Variants in RPS6KA4 observed in about 807,000 individuals in gnomAD.
RPS6KA4 encodes the protein ribosomal protein S6 kinase A4.
A neutral mutation model predicts 89.6 loss-of-function variants in RPS6KA4; 38 were observed. The ratio of observed to expected loss-of-function variants is 0.42; its 90% CI spans 0.33 to 0.56. RPS6KA4 has a LOEUF of 0.56. RPS6KA4 is among the 20% of genes least tolerant of loss of function. The pLI is 0.07. For missense variants in RPS6KA4, 873 were observed against 1,098.8 expected, an observed-to-expected ratio of 0.79 and a Z score of 2.90; for synonymous variants, 495 against 492.8, an observed-to-expected ratio of 1.00 and a Z score of -0.06.
intron 2 of RPS6KA4, chr11:64,359,664 G>A: frequency 1.7e-6 from 1 of 588,928 alleles, no homozygotes; most frequent in African/African-American, 1.9e-5. Context: ...GGTCCTGTGC[G>A]TGCATACCCC....
intron 8 of RPS6KA4, among the ~76,000 whole-genome samples, chr11:64,363,664 G>A (rs779431380): frequency 6.6e-6 from 1 of 151,940 alleles, no homozygotes; most frequent in African/African-American, 2.4e-5. Context: ...GCTTATTTTT[G>A]TATTTTTAGT....
rs372601567 is a variant in RPS6KA4 at position 64,361,553 on chromosome 11, G to T, written c.651+4G>T. ...TAGCAAGACGGGGCATGGCAAGGTA[G>T]GTTGGCAGGGAAGTGGGGCTGGGGG... On this transcript the variant is annotated splice_donor_region_variant and intron_variant, in intron 6 of 16. Transcript: ENST00000334205. This position sits in a 1 kb window ranked among gnomAD's most constrained non-coding sequence, Gnocchi z 4.7. The T allele has an allele frequency of 5.6e-6, 9 of 1,613,988 alleles. No homozygotes were observed. The highest frequency in any genetic ancestry group is 2.2e-5 in the East Asian group (1 of 44,894).
At chr11:64,365,686 T>C (rs985830934) in intron 9 of RPS6KA4, among the ~76,000 whole-genome samples, 10 of 148,878 alleles carry the variant, frequency 6.7e-5, no homozygotes, top group African/African-American at 2.4e-4. Flanking sequence ...TTAAACCTTC[T>C]GTTAATTTCC....
Position 64,370,841 on chromosome 11 carries a change from C to G in RPS6KA4, c.2121+115C>G. 7.6e-7 allele frequency: 1 copy of G among 1,313,938 alleles called. No individual in the cohort carries two copies. The highest frequency in any genetic ancestry group is 1.0e-6 in the Non-Finnish European group (1 of 989,858). The allele number at this position is 1,313,938 out of a possible 1,614,324, so 81.4% of individuals were successfully genotyped here. Reference sequence around the variant, plus strand: ...CGAGGTGAGGCCGGGCGCGGTGGCTCACGCCTGTAATCCCAGCGCTTTGGG... The same window carrying G: ...CGAGGTGAGGCCGGGCGCGGTGGCTGACGCCTGTAATCCCAGCGCTTTGGG... On this transcript the variant is annotated intron_variant, in intron 16 of 16. Transcript: ENST00000334205. The surrounding 1 kb of genome is among the most constrained non-coding windows in gnomAD (Gnocchi z 4.1).
In RPS6KA4 at chr11:64,369,429, C is replaced by G. The variant is rs748240809; in HGVS notation, c.1429-17C>G. 1 of 1,573,770 alleles carries G rather than the reference C, an allele frequency of 6.4e-7. No homozygotes were observed. Among genetic ancestry groups the G allele is most frequent in the South Asian group, 1.1e-5 (1 of 87,790 alleles). On this transcript the variant is annotated splice_polypyrimidine_tract_variant and intron_variant, in intron 12 of 16. Coordinates refer to ENST00000334205, the MANE Select transcript of RPS6KA4 (RefSeq NM_003942.3). ...CCGTGGGTGGGTGTTGACCTTGGCC[C>G]GCCACGCCGCCCGCAGCTGCACACG...
In RPS6KA4 at chr11:64,371,389, G is replaced by A. The variant is rs1221879191; in HGVS notation, c.2228G>A (p.Arg743Gln). The change falls in exon 17 of 17, where the codon CGG becomes CAG. Residue 743 changes from arginine (R) to glutamine (Q), a missense_variant. This residue lies in a region of RPS6KA4 where 278 missense variants were observed against 284.8 expected (regional missense o/e 0.98). Transcript: ENST00000334205. ...CTGCGGAGCGCCACCGCCTCCCGCC[G>A]GGGCTCCCCTGCACCAGCCAACCCG... ...QKLRSATASR[R>Q]GSPAPANPGR... is the part of the protein sequence containing the mutation. 15 of 1,611,848 alleles carry A rather than the reference G, an allele frequency of 9.3e-6. No individual in the cohort carries two copies. The highest frequency in any genetic ancestry group is 1.3e-5 in the Non-Finnish European group (15 of 1,179,552).
At chr11:64,366,767 C>T (rs955729120) in intron 9 of RPS6KA4, among the ~76,000 whole-genome samples, 1 of 152,188 alleles carries the variant, frequency 6.6e-6, no homozygotes, top group Non-Finnish European at 1.5e-5. Context: ...AGGGGGTCAC[C>T]CTTTCTTTGT....
In RPS6KA4 at chr11:64,361,340, T is replaced by C; in HGVS notation, c.570+99T>C. The C allele has an allele frequency of 6.9e-7, 1 of 1,449,306 alleles. No homozygotes were observed. Among genetic ancestry groups the C allele is most frequent in the South Asian group, 1.2e-5 (1 of 84,114 alleles). The allele number at this position is 1,449,306 out of a possible 1,614,324, so 89.8% of individuals were successfully genotyped here. A position where few individuals can be genotyped will look rare whatever the true frequency, so the allele number is the denominator to read the frequency against. ...TGCATTCTGGGGCTGCAGAAGTGAA[T>C]AGCTCCAAGAAGTTTCCACAGCTCA... On this transcript the variant is annotated intron_variant, in intron 5 of 16. Coordinates refer to ENST00000334205, the MANE Select transcript of RPS6KA4 (RefSeq NM_003942.3). This position sits in a 1 kb window ranked among gnomAD's most constrained non-coding sequence, Gnocchi z 4.7.
At position 64,371,418 on chromosome 11, in the gene RPS6KA4, C is replaced by T; in HGVS notation, c.2257C>T (p.Arg753Ter). Residue 753 changes from arginine (R) to a stop codon, truncating the protein, a stop_gained, in exon 17 of 17, where the codon CGA (arginine) becomes TGA (stop). Transcript: ENST00000334205. LOFTEE classifies it high-confidence loss of function. ...CTCCCCTGCACCAGCCAACCCGGGC[C>T]GAGCCCCCGTCGCCTCCAAAGGGGC... ...RGSPAPANPGRAPVASKGAPR... is the reference protein window; with the variant it reads ...RGSPAPANPG 1 of 1,607,910 alleles carries T rather than the reference C, an allele frequency of 6.2e-7. No individual in the cohort carries two copies. Among genetic ancestry groups the T allele is most frequent in the Non-Finnish European group, 8.5e-7 (1 of 1,177,308 alleles).
In RPS6KA4 at chr11:64,371,438, A is replaced by T. The variant is rs2037072386; in HGVS notation, c.2277A>T (p.Lys759Asn). 1.3e-6 allele frequency: 2 copies of T among 1,589,750 alleles called. No homozygotes were observed. The highest frequency in any genetic ancestry group is 1.7e-6 in the Non-Finnish European group (2 of 1,167,772). Residue 759 changes from lysine (K) to asparagine (N), a missense_variant, in exon 17 of 17, where the codon AAA becomes AAT. Lys to Asn is a moderately conservative substitution (Grantham distance 94, BLOSUM62 0). Coordinates refer to ENST00000334205, the MANE Select transcript of RPS6KA4 (RefSeq NM_003942.3). ...CGGGCCGAGCCCCCGTCGCCTCCAA[A>T]GGGGCCCCCCGCCGAGCCAACGGCC... The part of the protein sequence containing the change: ...ANPGRAPVAS[K>N]GAPRRANGPL...
rs577333445 is a variant in RPS6KA4 at position 64,370,078 on chromosome 11, C to T, written c.1798-147C>T. 172 of 1,085,454 alleles carry T rather than the reference C, an allele frequency of 1.6e-4. No homozygotes were observed. In the African/African-American group the frequency reaches 2.5e-3, roughly 16 times the overall value. The allele number at this position is 1,085,454 out of a possible 1,614,324, so 67.2% of individuals were successfully genotyped here. On this transcript the variant is annotated intron_variant, in intron 14 of 16. Transcript: ENST00000334205. This position sits in a 1 kb window ranked among gnomAD's most constrained non-coding sequence, Gnocchi z 4.1. Reference sequence around the variant, plus strand: ...GCTCTGGTGCTAGAGTCGGAGCATCCGGGTATTGGGGGTTAGAAGTCAGGG... The same window carrying T: ...GCTCTGGTGCTAGAGTCGGAGCATCTGGGTATTGGGGGTTAGAAGTCAGGG...
intron 8 of RPS6KA4, among the ~76,000 whole-genome samples, chr11:64,362,934 G>A (rs1280839686): frequency 6.6e-6 from 1 of 152,152 alleles, no homozygotes; most frequent in Non-Finnish European, 1.5e-5. Context: ...TCCTCCCAAA[G>A]TGTTGGGATT....
rs1246455748 is a variant in RPS6KA4, at chr11:64,361,593, G to A, written c.651+44G>A. 2 of 1,613,582 alleles carry A rather than the reference G, an allele frequency of 1.2e-6. No homozygotes were observed. Among genetic ancestry groups the A allele is most frequent in the Admixed American group, 1.7e-5 (1 of 60,022 alleles). On this transcript the variant is annotated intron_variant, in intron 6 of 16. Coordinates refer to ENST00000334205, the MANE Select transcript of RPS6KA4 (RefSeq NM_003942.3). This position sits in a 1 kb window ranked among gnomAD's most constrained non-coding sequence, Gnocchi z 4.7. ...GGGGCTGGGGGAGGTGGAAAGGTGG[G>A]GTGTGAGGCAGGGGAGATGCAGGCC... is the stretch of plus-strand genomic sequence containing the variant.
At chr11:64,367,216 G>A (rs995778768) in intron 9 of RPS6KA4, among the ~76,000 whole-genome samples, 1 of 152,132 alleles carries the variant, frequency 6.6e-6, no homozygotes, top group African/African-American at 2.4e-5. Context: ...GGCAACCATG[G>A]CTCACTGCAA....
In RPS6KA4 at chr11:64,368,269, G is replaced by C. The variant is rs773112173; in HGVS notation, c.1200+9G>C. On this transcript the variant is annotated intron_variant, in intron 10 of 16. Transcript: ENST00000334205. ...GGAGCGCTATGATGCAGGTGGGCTG[G>C]GCTGGGCTGGGTTGGGGGGAAATTG... 3.1e-6 allele frequency: 5 copies of C among 1,612,886 alleles called. No homozygotes were observed. Among genetic ancestry groups the C allele is most frequent in the Non-Finnish European group, 4.2e-6 (5 of 1,179,894 alleles).
chr11:64,361,742 C>T lies in RPS6KA4; in HGVS notation c.752C>T (p.Ser251Phe). The change falls in exon 7 of 17, where the codon TCT becomes TTT. Residue 251 changes from serine to phenylalanine, a missense_variant. Ser to Phe is a radical substitution (Grantham distance 155). Coordinates refer to ENST00000334205, the MANE Select transcript of RPS6KA4 (RefSeq NM_003942.3). The surrounding 1 kb of genome is among the most constrained non-coding windows in gnomAD (Gnocchi z 4.7). Reference protein sequence around the residue: ...EGERNTQAEVSRRILKCSPPF... With the variant: ...EGERNTQAEVFRRILKCSPPF... ...GAGAGGAACACGCAGGCTGAGGTGT[C>T]TCGGTGAGTAGGGCTGGACGTGGAG... 1 of 1,603,280 alleles carries T rather than the reference C, an allele frequency of 6.2e-7. No homozygotes were observed. The highest frequency in any genetic ancestry group is 8.5e-7 in the Non-Finnish European group (1 of 1,176,192).
At position 64,360,361 on chromosome 11, in the gene RPS6KA4, C is replaced by G. The variant is rs1336935756; in HGVS notation, c.326C>G (p.Ala109Gly). ...VTLHYAFQTD[A>G]KLHLILDYVS... Reference sequence around the variant, plus strand: ...CTGCACTACGCTTTCCAGACGGATGCCAAGCTGCACCTCATCCTGGGTGAG... The same window carrying G: ...CTGCACTACGCTTTCCAGACGGATGGCAAGCTGCACCTCATCCTGGGTGAG... Residue 109 changes from alanine (A) to glycine (G), a missense_variant, in exon 3 of 17, where the codon GCC becomes GGC. By Grantham distance (60) the Ala-to-Gly change is moderately conservative (BLOSUM62 0). Transcript: ENST00000334205. 1 of 1,549,236 alleles carries G rather than the reference C, an allele frequency of 6.5e-7. No homozygotes were observed. The highest frequency in any genetic ancestry group is 8.7e-7 in the Non-Finnish European group (1 of 1,145,990).
At position 64,361,672 on chromosome 11, in the gene RPS6KA4, C is replaced by T; in HGVS notation, c.682C>T (p.Leu228Phe). 1 of 1,612,664 alleles carries T rather than the reference C, an allele frequency of 6.2e-7. No individual in the cohort carries two copies. The highest frequency in any genetic ancestry group is 8.5e-7 in the Non-Finnish European group (1 of 1,179,838). ...AVDWWSLGILLFELLTGASPF... is the reference protein window; with the variant it reads ...AVDWWSLGILFFELLTGASPF... ...GGACTGGTGGAGCCTGGGCATCTTG[C>T]TCTTCGAGCTGCTGACGGGGGCCTC... Residue 228 changes from leucine (L) to phenylalanine (F), a missense_variant, in exon 7 of 17, where the codon CTC (leucine) becomes TTC (phenylalanine). By Grantham distance (22) the Leu-to-Phe change is conservative. Coordinates refer to ENST00000334205, the MANE Select transcript of RPS6KA4 (RefSeq NM_003942.3). This position sits in a 1 kb window ranked among gnomAD's most constrained non-coding sequence, Gnocchi z 4.7.
chr11:64,361,349 G>C lies in RPS6KA4; in HGVS notation c.570+108G>C. 6.9e-7 allele frequency: 1 copy of C among 1,456,880 alleles called. No homozygotes were observed. The highest frequency in any genetic ancestry group is 1.2e-5 in the South Asian group (1 of 84,210). The allele number at this position is 1,456,880 out of a possible 1,614,324, so 90.2% of individuals were successfully genotyped here. Reference sequence around the variant, plus strand: ...GGGCTGCAGAAGTGAATAGCTCCAAGAAGTTTCCACAGCTCAGCTCTCCAA... The same window carrying C: ...GGGCTGCAGAAGTGAATAGCTCCAACAAGTTTCCACAGCTCAGCTCTCCAA... On this transcript the variant is annotated intron_variant, in intron 5 of 16. Transcript: ENST00000334205. This position sits in a 1 kb window ranked among gnomAD's most constrained non-coding sequence, Gnocchi z 4.7.
Sources: allele counts gnomAD v4.1 joint callset (sites outside exome capture counted in the v4.1 genomes callset), GRCh38; gene constraint gnomAD v4.1.1; regional missense constraint gnomAD v4.1.1; non-coding constraint Gnocchi (gnomAD v3.1); transcripts MANE v1.5; gene names NCBI Gene and HGNC (gene_info 2026-07-23, HGNC 2026-07-21).